Variants in LINGO2 observed in about 807,000 individuals in gnomAD.
LINGO2 encodes leucine-rich repeat and immunoglobulin-like domain-containing nogo receptor-interacting protein 2.
In LINGO2, 14 loss-of-function variants were observed where a neutral mutation model predicts 30.6. The observed-to-expected ratio is 0.46, with a 90% confidence interval of 0.30 to 0.72. LINGO2 has a LOEUF of 0.72. Among genes scored for constraint, LINGO2 ranks in the 30% least tolerant of loss-of-function variants. The pLI is 0.07. For synonymous variants in LINGO2, 317 were observed against 288.5 expected, an observed-to-expected ratio of 1.10 and a Z score of -1.00; for missense variants, 729 against 751.7, an observed-to-expected ratio of 0.97 and a Z score of 0.35.
chr9:28,010,955 A>C (rs1402569168), intron 5 of LINGO2, among the ~76,000 whole-genome samples: 1 of 152,166 alleles, frequency 6.6e-6, no homozygotes, highest in Non-Finnish European at 1.5e-5. Context: ...CTGTCTCTAA[A>C]ATAAAATAAA....
intron 3 of LINGO2, among the ~76,000 whole-genome samples, chr9:28,315,703 C>T (rs777333296): frequency 2.0e-5 from 3 of 152,118 alleles, no homozygotes; most frequent in Non-Finnish European, 4.4e-5. Flanking sequence ...GAATGTGGCA[C>T]TCCCAGCATA....
intron 4 of LINGO2, among the ~76,000 whole-genome samples, chr9:28,111,939 AG>A (rs1296522813): frequency 6.6e-6 from 1 of 150,584 alleles, no homozygotes; most frequent in African/African-American, 2.4e-5. Flanking sequence ...TCTAAGTTTT[AG>A]GGTACATGTG....
intron 5 of LINGO2, among the ~76,000 whole-genome samples, chr9:27,967,279 G>A (rs1167380560): frequency 2.0e-5 from 3 of 152,082 alleles, no homozygotes; most frequent in Admixed American, 2.0e-4. Flanking sequence ...TTTATTTTGT[G>A]GCTCCTCCCT....
chr9:29,088,428 TA>T, the LINGO2 span, among the ~76,000 whole-genome samples: 1 of 152,128 alleles, frequency 6.6e-6, no homozygotes, highest in East Asian at 1.9e-4. Flanking sequence ...GGCATGACTA[TA>T]AAGGCATCCA....
chr9:29,027,709 C>T, the LINGO2 span, among the ~76,000 whole-genome samples: 1 of 152,144 alleles, frequency 6.6e-6, no homozygotes, highest in Non-Finnish European at 1.5e-5. Flanking sequence ...TCCAAGGTTT[C>T]CGCAGTACCA....
the LINGO2 span, among the ~76,000 whole-genome samples, chr9:29,110,786 G>A: frequency 6.6e-6 from 1 of 151,794 alleles, no homozygotes; most frequent in Non-Finnish European, 1.5e-5. Flanking sequence ...CGCCTCCCGG[G>A]TTCAAGCAGT....
At chr9:29,065,407 T>C in the LINGO2 span, among the ~76,000 whole-genome samples, 20 of 152,094 alleles carry the variant, frequency 1.3e-4, no homozygotes, top group African/African-American at 4.6e-4. Flanking sequence ...TTATAGGTTT[T>C]ACATTTAAGT....
the LINGO2 span, among the ~76,000 whole-genome samples, chr9:29,066,078 C>G: frequency 2.0e-5 from 3 of 151,770 alleles, no homozygotes; most frequent in Admixed American, 2.0e-4. Flanking sequence ...AGAGCTAAGT[C>G]AAGTATCATA....
At chr9:29,002,289 T>C in the LINGO2 span, among the ~76,000 whole-genome samples, 1 of 152,040 alleles carries the variant, frequency 6.6e-6, no homozygotes, top group Non-Finnish European at 1.5e-5. Flanking sequence ...ACACTGATGA[T>C]TATTTAATCA....
At chr9:28,065,711 G>A (rs1037863573) in intron 4 of LINGO2, among the ~76,000 whole-genome samples, 2 of 152,094 alleles carry the variant, frequency 1.3e-5, no homozygotes, top group African/African-American at 4.8e-5. Flanking sequence ...GCAATAAGGT[G>A]TGATGGTATA....
chr9:28,827,767 T>C, the LINGO2 span, among the ~76,000 whole-genome samples: 1 of 152,124 alleles, frequency 6.6e-6, no homozygotes, highest in African/African-American at 2.4e-5. Context: ...AGATATTTTA[T>C]TGAAAACATT....
chr9:28,704,187 T>G, the LINGO2 span, among the ~76,000 whole-genome samples: 3 of 113,832 alleles, frequency 2.6e-5, no homozygotes, highest in Non-Finnish European at 5.5e-5. Context: ...ATCTTCACTT[T>G]TGAAGGGTGA....
At chr9:28,439,548 C>A (rs985549467) in intron 2 of LINGO2, among the ~76,000 whole-genome samples, 2 of 151,998 alleles carry the variant, frequency 1.3e-5, no homozygotes, top group Non-Finnish European at 2.9e-5. Flanking sequence ...TTCCTCCTTG[C>A]TGTTCTTGTG....
chr9:28,321,748 T>C (rs1232879305), intron 3 of LINGO2, among the ~76,000 whole-genome samples: 1 of 152,104 alleles, frequency 6.6e-6, no homozygotes, highest in Non-Finnish European at 1.5e-5. Context: ...AAATTCAGAT[T>C]GGAAATATAT....
intron 4 of LINGO2, among the ~76,000 whole-genome samples, chr9:28,054,761 A>G (rs10968313): frequency 0.071 from 10,758 of 152,176 alleles, 817 homozygotes; most frequent in African/African-American, 0.19. Context: ...ATACCATATT[A>G]TAAGTGATCA....
the LINGO2 span, among the ~76,000 whole-genome samples, chr9:29,063,369 G>C: frequency 6.6e-6 from 1 of 151,272 alleles, no homozygotes; most frequent in African/African-American, 2.4e-5. Context: ...CAGTTCTTCA[G>C]TGAGAAACTT....
intron 1 of LINGO2, among the ~76,000 whole-genome samples, chr9:28,540,046 G>A (rs76501746): frequency 1.3e-3 from 197 of 152,210 alleles, no homozygotes; most frequent in African/African-American, 4.6e-3. Flanking sequence ...CTAGGGTTAA[G>A]TGGTGTGGGG....
the LINGO2 span, among the ~76,000 whole-genome samples, chr9:29,200,141 A>G: frequency 6.6e-6 from 1 of 152,106 alleles, no homozygotes; most frequent in Non-Finnish European, 1.5e-5. Context: ...AAAATTAAAG[A>G]TAAAAATGCA....
At chr9:28,084,550 C>T (rs4493990) in intron 4 of LINGO2, among the ~76,000 whole-genome samples, 65,438 of 151,736 alleles carry the variant, frequency 0.43, 14,457 homozygotes, top group East Asian at 0.69. Context: ...TTAAAGTATT[C>T]TATTAAAAAC....
Sources: allele counts gnomAD v4.1 joint callset (sites outside exome capture counted in the v4.1 genomes callset), GRCh38; gene constraint gnomAD v4.1.1; transcripts MANE v1.5; gene names NCBI Gene and HGNC (gene_info 2026-07-23, HGNC 2026-07-21).